Variants in BACE2 observed in about 807,000 individuals in gnomAD.
BACE2 encodes beta-secretase 2, also known as 56 kDa aspartic-like protease.
Under a neutral mutation model 46.2 loss-of-function variants are expected in BACE2, and 17 were observed. The ratio of observed to expected loss-of-function variants is 0.37; its 90% CI spans 0.25 to 0.55. BACE2 has a LOEUF of 0.55. Ranked by LOEUF, BACE2 falls within the 20% of genes least tolerant of loss-of-function variation. The pLI is 0.82. For missense variants in BACE2, 595 were observed against 698.1 expected (o/e 0.85, Z 1.66); for synonymous variants, 277 against 295.9 (o/e 0.94, Z 0.66).
In BACE2 at chr21:41,243,667, G is replaced by A. The variant is rs73222274; in HGVS notation, c.882+157G>A. Among the ~76,000 whole-genome samples, 1,001 of 152,270 alleles carry A rather than the reference G, an allele frequency of 6.6e-3. 8 individuals carry two copies. The highest frequency in any genetic ancestry group is 0.01 in the Middle Eastern group (3 of 294). ...GCAGGGCCTTGCTGTACAGTAAGTT[G>A]AAATCAATTAATTGTCCTCCCTCCC... On this transcript the variant is annotated intron_variant, in intron 5 of 8. Transcript: ENST00000330333.
chr21:41,262,563 G>T (rs540119543), intron 8 of BACE2, among the ~76,000 whole-genome samples: 1 of 152,090 alleles, frequency 6.6e-6, no homozygotes, highest in East Asian at 1.9e-4. Flanking sequence ...AACCCTGTTG[G>T]GATTTCTATT....
chr21:41,233,805 A>G (rs1386230730), intron 2 of BACE2, among the ~76,000 whole-genome samples: 1 of 152,086 alleles, frequency 6.6e-6, no homozygotes, highest in Non-Finnish European at 1.5e-5. Context: ...TACTAAAAAT[A>G]CAAAAATTAG....
chr21:41,184,249 A>G (rs1026978380), intron 1 of BACE2: 3 of 167,006 alleles, frequency 1.8e-5, no homozygotes, highest in African/African-American at 7.2e-5. Context: ...AGACCCTGAA[A>G]CAGAGCGGGA....
intron 8 of BACE2, among the ~76,000 whole-genome samples, chr21:41,273,161 T>C (rs2035087222): frequency 6.6e-6 from 1 of 152,138 alleles, no homozygotes; most frequent in Non-Finnish European, 1.5e-5. Flanking sequence ...TAATAAAATA[T>C]TACAAGGCAA....
intron 8 of BACE2, among the ~76,000 whole-genome samples, chr21:41,270,126 A>G (rs985998654): frequency 1.3e-5 from 2 of 152,158 alleles, no homozygotes; most frequent in Non-Finnish European, 2.9e-5. Flanking sequence ...TTTGCCATTC[A>G]TGCATCTTTT....
At chr21:41,234,965 A>G (rs1036632158) in intron 2 of BACE2, among the ~76,000 whole-genome samples, 8 of 152,236 alleles carry the variant, frequency 5.3e-5, no homozygotes, top group Non-Finnish European at 1.0e-4. Flanking sequence ...ATCACGGTGG[A>G]GTGAACCAAG....
intron 1 of BACE2, among the ~76,000 whole-genome samples, chr21:41,222,748 G>A (rs1319257054): frequency 6.6e-6 from 1 of 152,228 alleles, no homozygotes; most frequent in Admixed American, 6.5e-5. Flanking sequence ...TGACAGTGGT[G>A]TGGACCCCCA....
intron 1 of BACE2, among the ~76,000 whole-genome samples, chr21:41,207,374 AAGTGGTTGAGTGTGAATTTTCTCTTGC>A (rs1348343345): frequency 6.6e-6 from 1 of 152,132 alleles, no homozygotes; most frequent in Non-Finnish European, 1.5e-5. Flanking sequence ...GTTTTCTTAA[AAGTGGTTGAGTGTGAATTTTCTCTTGC>A]ATGGGAAAAG....
intron 8 of BACE2, among the ~76,000 whole-genome samples, chr21:41,265,011 A>G (rs1601320475): frequency 6.6e-6 from 1 of 152,080 alleles, no homozygotes; most frequent in East Asian, 1.9e-4. Flanking sequence ...ATGCCAGTTA[A>G]CTTTTCTATA....
At chr21:41,237,919 C>T (rs960478024) in intron 3 of BACE2, among the ~76,000 whole-genome samples, 190 bp downstream of exon 3, 1 of 152,220 alleles carries the variant, frequency 6.6e-6, no homozygotes, top group Non-Finnish European at 1.5e-5. Context: ...CAGCATGATT[C>T]TTGGAACCTT....
intron 8 of BACE2, among the ~76,000 whole-genome samples, chr21:41,270,631 GC>G (rs1304816378): frequency 6.6e-6 from 1 of 152,150 alleles, no homozygotes; most frequent in African/African-American, 2.4e-5. Flanking sequence ...TTTTCCAGAA[GC>G]TTTCTGTTAT....
chr21:41,263,070 T>C (rs1987980176), intron 8 of BACE2, among the ~76,000 whole-genome samples: 1 of 152,190 alleles, frequency 6.6e-6, no homozygotes, highest in Non-Finnish European at 1.5e-5. Flanking sequence ...AGAAAATATT[T>C]CTCATTTCGT....
intron 1 of BACE2, among the ~76,000 whole-genome samples, chr21:41,188,971 A>T (rs548879088): frequency 6.6e-6 from 1 of 152,318 alleles, no homozygotes; most frequent in South Asian, 2.1e-4. Flanking sequence ...GACTGATTGG[A>T]GGCCAGCAGT....
At chr21:41,180,298 A>G (rs1426859230) in intron 1 of BACE2, 2 of 175,680 alleles carry the variant, frequency 1.1e-5, no homozygotes, top group African/African-American at 4.8e-5. Flanking sequence ...CCTGAGCCCC[A>G]CTTCCAGAGT....
intron 1 of BACE2, among the ~76,000 whole-genome samples, chr21:41,170,622 G>A (rs1984573432): frequency 1.3e-5 from 2 of 152,334 alleles, no homozygotes; most frequent in South Asian, 4.1e-4. Context: ...GTCAGCAGCC[G>A]GCTAGAGGGG....
At chr21:41,261,013 G>T (rs1009141515) in intron 8 of BACE2, among the ~76,000 whole-genome samples, 1 of 152,034 alleles carries the variant, frequency 6.6e-6, no homozygotes, top group Admixed American at 6.5e-5. Flanking sequence ...TAGGTTATTT[G>T]TTTTGACTGC....
chr21:41,221,827 CAAAAAAAAAAAA>C (rs58502168), intron 1 of BACE2, among the ~76,000 whole-genome samples: 2 of 98,730 alleles, frequency 2.0e-5, no homozygotes, highest in African/African-American at 6.3e-5. Context: ...GACTCTGTCT[CAAAAAAAAAAAA>C]AAAAAAAAAA....
chr21:41,189,903 A>C (rs2123511098), intron 1 of BACE2, among the ~76,000 whole-genome samples: 1 of 152,338 alleles, frequency 6.6e-6, no homozygotes, highest in South Asian at 2.1e-4. Context: ...AGCCAGTCTG[A>C]GTCTCAAAAC....
At chr21:41,224,620 G>A (rs967749715) in intron 1 of BACE2, among the ~76,000 whole-genome samples, 3 of 152,194 alleles carry the variant, frequency 2.0e-5, no homozygotes, top group Non-Finnish European at 2.9e-5. Context: ...CTGGACTTGG[G>A]ATAGATGCTG....
Sources: allele counts gnomAD v4.1 joint callset (sites outside exome capture counted in the v4.1 genomes callset), GRCh38; gene constraint gnomAD v4.1.1; transcripts MANE v1.5; gene names NCBI Gene and HGNC (gene_info 2026-07-23, HGNC 2026-07-21).